TYW1: variants seen among roughly 807,000 people sequenced by gnomAD.
TYW1 encodes the protein tRNA-yW synthesizing protein 1 homolog.
Under a neutral mutation model 96.2 loss-of-function variants are expected in TYW1, and 46 were observed. The ratio of observed to expected loss-of-function variants is 0.48; its 90% CI spans 0.38 to 0.61. TYW1 has a LOEUF of 0.61. TYW1 is among the 20% of genes least tolerant of loss of function. The pLI is 0.00. For synonymous variants in TYW1, 274 were observed against 323.0 expected, an observed-to-expected ratio of 0.85 and a Z score of 1.63; for missense variants, 684 against 909.6, an observed-to-expected ratio of 0.75 and a Z score of 3.19.
intron 8 of TYW1, among the ~76,000 whole-genome samples, chr7:67,054,174 G>T (rs1161977699): frequency 6.6e-6 from 1 of 152,082 alleles, no homozygotes; most frequent in Non-Finnish European, 1.5e-5. Context: ...TTCCATCTTG[G>T]CTAGAAGCAG....
intron 13 of TYW1, among the ~76,000 whole-genome samples, chr7:67,148,734 G>C (rs948694899): frequency 1.3e-5 from 2 of 152,096 alleles, no homozygotes; most frequent in African/African-American, 2.4e-5. Flanking sequence ...CCCGGCTGTT[G>C]AAAGTGATTT....
chr7:67,073,297 A>G (rs569219315), intron 10 of TYW1, among the ~76,000 whole-genome samples: 3 of 152,104 alleles, frequency 2.0e-5, no homozygotes, highest in Non-Finnish European at 4.4e-5. Context: ...TGCTGCTGGT[A>G]TCTGGTGGGT....
chr7:67,130,643 G>T (rs1420909708), intron 13 of TYW1, among the ~76,000 whole-genome samples: 1 of 150,500 alleles, frequency 6.6e-6, no homozygotes, highest in African/African-American at 2.5e-5. Context: ...CAGCCTGGGC[G>T]ACAGAGCGAG....
intron 7 of TYW1, 40 bp downstream of exon 7, chr7:67,025,062 G>T: frequency 6.2e-7 from 1 of 1,611,652 alleles, no homozygotes; most frequent in East Asian, 2.2e-5. Context: ...GGCTCCCGCA[G>T]TTGGTTAACA....
At chr7:67,222,074 G>C (rs1339003848) in intron 15 of TYW1, among the ~76,000 whole-genome samples, 1 of 152,028 alleles carries the variant, frequency 6.6e-6, no homozygotes, top group Non-Finnish European at 1.5e-5. Context: ...GTGGGCGCCT[G>C]TAATCCCAGA....
intron 7 of TYW1, among the ~76,000 whole-genome samples, chr7:67,040,158 G>A (rs552288400): frequency 3.5e-4 from 53 of 151,532 alleles, no homozygotes; most frequent in East Asian, 5.9e-4. Flanking sequence ...GGTTTTTACC[G>A]TGTTGGCCAG....
At chr7:67,069,901 G>C (rs1157528703) in intron 10 of TYW1, among the ~76,000 whole-genome samples, 5 of 152,168 alleles carry the variant, frequency 3.3e-5, no homozygotes, top group African/African-American at 1.2e-4. Flanking sequence ...ACTCCCTTTA[G>C]TATTTATCGT....
At chr7:67,179,794 A>G (rs1799778206) in intron 13 of TYW1, among the ~76,000 whole-genome samples, 1 of 117,450 alleles carries the variant, frequency 8.5e-6, no homozygotes, top group South Asian at 2.8e-4. Context: ...TCTCTTAGAA[A>G]AGTTTATTTT....
chr7:67,201,324 A>G (rs1429887344), intron 15 of TYW1, among the ~76,000 whole-genome samples: 1 of 129,058 alleles, frequency 7.7e-6, no homozygotes, highest in Non-Finnish European at 1.6e-5. Flanking sequence ...AACAACAACA[A>G]CAACAACAAC....
chr7:67,204,154 AAT>A (rs1233073896), intron 15 of TYW1, among the ~76,000 whole-genome samples: 1 of 152,094 alleles, frequency 6.6e-6, no homozygotes, highest in African/African-American at 2.4e-5. Context: ...GCCCTTTACA[AAT>A]TGGGGGAATT....
chr7:67,115,566 A>G (rs1390371862), intron 12 of TYW1, among the ~76,000 whole-genome samples: 2 of 152,148 alleles, frequency 1.3e-5, no homozygotes, highest in East Asian at 1.9e-4. Context: ...ATTTTTCTAT[A>G]TATCACTAAG....
intron 13 of TYW1, among the ~76,000 whole-genome samples, chr7:67,151,565 A>G (rs577355552): frequency 2.6e-5 from 4 of 152,250 alleles, no homozygotes; most frequent in African/African-American, 9.6e-5. Flanking sequence ...CTTCACAGTT[A>G]AGGAAAATAC....
intron 15 of TYW1, among the ~76,000 whole-genome samples, chr7:67,197,959 G>GC (rs750659717): frequency 1.8e-5 from 1 of 56,428 alleles, no homozygotes; most frequent in African/African-American, 7.2e-5. Flanking sequence ...CCCTACCCCT[G>GC]CCCCCCGCCC....
chr7:67,024,673 T>A (rs1439568390), intron 6 of TYW1, among the ~76,000 whole-genome samples: 1 of 151,216 alleles, frequency 6.6e-6, no homozygotes, highest in Non-Finnish European at 1.5e-5. Context: ...CCTAGCTACT[T>A]GGGAGGCTGA....
chr7:67,082,059 T>G (rs897340157), intron 10 of TYW1, among the ~76,000 whole-genome samples: 3 of 151,868 alleles, frequency 2.0e-5, no homozygotes, highest in Non-Finnish European at 4.4e-5. Context: ...GTGTATTCTC[T>G]TGTATCTCTC....
At chr7:67,008,614 C>T (rs201396477) in intron 3 of TYW1, among the ~76,000 whole-genome samples, 3 of 152,130 alleles carry the variant, frequency 2.0e-5, no homozygotes, top group Admixed American at 1.3e-4. Flanking sequence ...GTCTGTCAAC[C>T]GGCTTCTTTT....
intron 10 of TYW1, among the ~76,000 whole-genome samples, chr7:67,081,258 C>G (rs1796385180): frequency 7.2e-6 from 1 of 138,264 alleles, no homozygotes; most frequent in Non-Finnish European, 1.5e-5. Flanking sequence ...TAGAATATAT[C>G]ATCCCATTCT....
At chr7:67,116,842 G>T (rs35405351) in intron 12 of TYW1, among the ~76,000 whole-genome samples, 1 of 152,184 alleles carries the variant, frequency 6.6e-6, no homozygotes, top group Admixed American at 6.5e-5. Flanking sequence ...AAATAAGAAT[G>T]CATTTTTTTC....
chr7:67,010,625 G>A (rs1793763122), intron 4 of TYW1, among the ~76,000 whole-genome samples: 2 of 151,854 alleles, frequency 1.3e-5, no homozygotes, highest in Admixed American at 6.6e-5. Context: ...ACAGGCGCCC[G>A]CCGCCACACC....
Sources: gnomAD v4.1 joint callset for allele counts (sites outside exome capture counted in the v4.1 genomes callset) on GRCh38, gnomAD v4.1.1 for gene constraint, MANE v1.5 for transcripts, NCBI Gene and HGNC (gene_info 2026-07-23, HGNC 2026-07-21) for gene names.